The following B3GALT1 variants were observed in gnomAD, a reference collection of about 807,000 sequenced individuals.
B3GALT1 encodes the protein beta-1,3-galactosyltransferase 1.
B3GALT1 carries 10 observed loss-of-function variants against 23.2 expected under a neutral mutation model. The ratio of observed to expected loss-of-function variants is 0.43; its 90% CI spans 0.27 to 0.73. The LOEUF is 0.73. Among genes scored for constraint, B3GALT1 ranks in the 30% least tolerant of loss-of-function variants. The probability of loss-of-function intolerance (pLI) is 0.21; values close to 1 mark genes in which losing one functional copy is unlikely to be tolerated. For synonymous variants in B3GALT1, 156 were observed against 141.5 expected, an observed-to-expected ratio of 1.10 and a Z score of -0.73; for missense variants, 299 against 405.4, an observed-to-expected ratio of 0.74 and a Z score of 2.25.
At chr2:167,860,231 C>T (rs1690072149) in intron 4 of B3GALT1, among the ~76,000 whole-genome samples, 1 of 152,160 alleles carries the variant, frequency 6.6e-6, no homozygotes, top group African/African-American at 2.4e-5. Context: ...TATGCCATCT[C>T]CAAGGAAAGT....
At chr2:167,718,151 G>A (rs1687179786) in intron 3 of B3GALT1, among the ~76,000 whole-genome samples, 1 of 152,140 alleles carries the variant, frequency 6.6e-6, no homozygotes, top group Admixed American at 6.5e-5. Flanking sequence ...GAATCAAACT[G>A]TGACCAAATT....
At chr2:167,527,113 T>C (rs1350724555) in intron 2 of B3GALT1, among the ~76,000 whole-genome samples, 2 of 152,134 alleles carry the variant, frequency 1.3e-5, no homozygotes, top group Admixed American at 1.3e-4. Context: ...TGATATGATG[T>C]TTATAGTCCT....
chr2:167,836,170 G>A (rs1026898156), intron 4 of B3GALT1, among the ~76,000 whole-genome samples: 10 of 152,228 alleles, frequency 6.6e-5, no homozygotes, highest in Non-Finnish European at 1.0e-4. Context: ...ATGGAACAAA[G>A]CTGGACGGAG....
rs754890867 is a variant in B3GALT1 at position 167,872,865 on chromosome 2, T to G, written c.*2845T>G. 1 of 152,216 alleles carries G rather than the reference T, an allele frequency of 6.6e-6. No individual in the cohort carries two copies. Among genetic ancestry groups the G allele is most frequent in the Non-Finnish European group, 1.5e-5 (1 of 68,054 alleles). 9.4% of individuals were successfully genotyped at this position (152,216 alleles called of 1,614,324 possible). A position where few individuals can be genotyped will look rare whatever the true frequency, so the allele number is the denominator to read the frequency against. ...ATTTTTTCTTCTCCCCAACTGTATG[T>G]ATAGCTAGAATCTGCTTGCTGTGTA... On this transcript the variant is annotated 3_prime_UTR_variant, in exon 5 of 5. Coordinates refer to ENST00000392690, the MANE Select transcript of B3GALT1 (RefSeq NM_020981.4).
At chr2:167,864,602 G>A (rs547112434) in intron 4 of B3GALT1, among the ~76,000 whole-genome samples, 93 of 152,254 alleles carry the variant, frequency 6.1e-4, no homozygotes, top group East Asian at 4.8e-3. Context: ...ATCACTGGGC[G>A]AATAGCAGCC....
intron 2 of B3GALT1, among the ~76,000 whole-genome samples, chr2:167,596,818 G>C (rs947050852): frequency 6.6e-6 from 1 of 152,170 alleles, no homozygotes; most frequent in Non-Finnish European, 1.5e-5. Flanking sequence ...TCAATGTAGT[G>C]ACTGGTAAAA....
At chr2:167,480,158 G>A (rs1179783990) in intron 1 of B3GALT1, among the ~76,000 whole-genome samples, 3 of 152,138 alleles carry the variant, frequency 2.0e-5, no homozygotes, top group African/African-American at 4.8e-5. Context: ...TGAGCAGTAA[G>A]GGATTATAGA....
Position 167,503,025 on chromosome 2 carries a change from G to T in B3GALT1, c.-410+12748G>T, listed in dbSNP as rs1292260467. ...TTGTACTCCAGCCTGGGTGACAAGAGCAAAACTCTGTCTCAAAAAATATAT... is the reference window on the plus strand; with the variant it reads ...TTGTACTCCAGCCTGGGTGACAAGATCAAAACTCTGTCTCAAAAAATATAT... On this transcript the variant is annotated intron_variant, in intron 2 of 4. Coordinates refer to ENST00000392690, the MANE Select transcript of B3GALT1 (RefSeq NM_020981.4). 2.0e-5 allele frequency among the ~76,000 whole-genome samples: 3 copies of T among 152,030 alleles called. No individual in the cohort carries two copies. In the East Asian group the frequency reaches 5.8e-4, roughly 29 times the overall value.
chr2:167,571,267 T>A (rs369613163), intron 2 of B3GALT1, among the ~76,000 whole-genome samples: 1 of 151,940 alleles, frequency 6.6e-6, no homozygotes, highest in Non-Finnish European at 1.5e-5. Context: ...TCTGTATAGG[T>A]GATTCTGTAG....
chr2:167,761,568 A>G (rs1687900080), intron 3 of B3GALT1, among the ~76,000 whole-genome samples: 1 of 152,152 alleles, frequency 6.6e-6, no homozygotes, highest in Non-Finnish European at 1.5e-5. Context: ...AAGCATGGGA[A>G]GAGGAGAGAT....
intron 1 of B3GALT1, among the ~76,000 whole-genome samples, chr2:167,323,854 A>G (rs1334498832): frequency 1.3e-5 from 2 of 150,716 alleles, no homozygotes; most frequent in African/African-American, 4.9e-5. Flanking sequence ...TTTTTTTCTT[A>G]ACTCGAGGAG....
intron 1 of B3GALT1, among the ~76,000 whole-genome samples, chr2:167,371,221 C>T (rs909638347): frequency 2.6e-5 from 4 of 151,716 alleles, no homozygotes; most frequent in South Asian, 2.1e-4. Context: ...ATCCCCAATG[C>T]CTTGTCGTAC....
chr2:167,588,213 A>G (rs1684613246), intron 2 of B3GALT1, among the ~76,000 whole-genome samples: 1 of 151,834 alleles, frequency 6.6e-6, no homozygotes, highest in African/African-American at 2.4e-5. Context: ...AAACATATGG[A>G]AATGCAAATA....
chr2:167,758,709 G>A (rs1396065744), intron 3 of B3GALT1, among the ~76,000 whole-genome samples: 1 of 151,856 alleles, frequency 6.6e-6, no homozygotes, highest in Non-Finnish European at 1.5e-5. Context: ...ACTTCTCTGT[G>A]TGTGCCTCAT....
chr2:167,664,267 G>C (rs1438300288), intron 3 of B3GALT1, among the ~76,000 whole-genome samples: 3 of 151,432 alleles, frequency 2.0e-5, no homozygotes, highest in Admixed American at 2.0e-4. Context: ...AGATCAGATA[G>C]TTGTAGATGT....
At chr2:167,830,449 T>G (rs898018055) in intron 4 of B3GALT1, among the ~76,000 whole-genome samples, 4 of 152,198 alleles carry the variant, frequency 2.6e-5, no homozygotes, top group African/African-American at 9.7e-5. Context: ...TGAAATGCTT[T>G]CAGGCTTTCA....
chr2:167,716,247 G>T (rs1687146008), intron 3 of B3GALT1, among the ~76,000 whole-genome samples: 1 of 151,296 alleles, frequency 6.6e-6, no homozygotes, highest in Admixed American at 6.6e-5. Flanking sequence ...TCACAGGCCC[G>T]TGCTGCCCCC....
chr2:167,329,779 G>A (rs1399439912), intron 1 of B3GALT1, among the ~76,000 whole-genome samples: 1 of 150,550 alleles, frequency 6.6e-6, no homozygotes, highest in Non-Finnish European at 1.5e-5. Context: ...AATTTTGCTG[G>A]ATATAGTATC....
At chr2:167,716,091 C>T in intron 3 of B3GALT1, 1 of 1,542,362 alleles carries the variant, frequency 6.5e-7, no homozygotes, top group Non-Finnish European at 8.9e-7. Context: ...TGGCGGTCAC[C>T]GCAGTTAACA....
Sources: gnomAD v4.1 joint callset for allele counts (sites outside exome capture counted in the v4.1 genomes callset) on GRCh38, gnomAD v4.1.1 for gene constraint, MANE v1.5 for transcripts, NCBI Gene and HGNC (gene_info 2026-07-23, HGNC 2026-07-21) for gene names.